Variants in PHF20 observed in about 807,000 individuals in gnomAD.
PHF20 encodes the protein PHD finger protein 20.
Under a neutral mutation model 113.5 loss-of-function variants are expected in PHF20, and 23 were observed. The ratio of observed to expected loss-of-function variants is 0.20; its 90% CI spans 0.15 to 0.29. PHF20 has a LOEUF of 0.29. PHF20 is among the 10% of genes least tolerant of loss of function. The pLI is 1.00. For synonymous variants in PHF20, 434 were observed against 457.3 expected (o/e 0.95, Z 0.65); for missense variants, 943 against 1,219.6 (o/e 0.77, Z 3.38).
intron 1 of PHF20, among the ~76,000 whole-genome samples, chr20:35,778,523 A>C (rs1013421401): frequency 2.0e-5 from 3 of 151,960 alleles, no homozygotes; most frequent in Non-Finnish European, 4.4e-5. Flanking sequence ...GCCAAGTCGG[A>C]TGGATCACCT....
At chr20:35,927,711 G>A (rs928555943) in intron 13 of PHF20, 69 bp from the exon 14 acceptor site, 7 of 1,180,828 alleles carry the variant, frequency 5.9e-6, no homozygotes, top group Middle Eastern at 1.9e-4. Context: ...CCCCTCAGCA[G>A]GTGGGTCTTA....
chr20:35,931,268 G>A lies in PHF20; in HGVS notation c.2124G>A (p.Lys708=). 6.2e-7 allele frequency: 1 copy of A among 1,612,430 alleles called. No individual in the cohort carries two copies. The highest frequency in any genetic ancestry group is 8.5e-7 in the Non-Finnish European group (1 of 1,178,684). Residue 708 remains lysine, a synonymous_variant, in exon 15 of 18, where the codon AAG becomes AAA. Coordinates refer to ENST00000374012, the MANE Select transcript of PHF20 (RefSeq NM_016436.5). The part of the protein sequence containing the change: ...QDPPGQRPGF[K]YWYDKEWLSR... The stretch of plus-strand genomic sequence containing the variant: ...CTGTAGGTCAGAGGCCTGGCTTCAA[G>A]TACTGGTATGACAAGGAGTGGCTGA...
At chr20:35,825,300 G>C (rs1180679280) in intron 2 of PHF20, among the ~76,000 whole-genome samples, 1 of 152,096 alleles carries the variant, frequency 6.6e-6, no homozygotes, top group Non-Finnish European at 1.5e-5. Flanking sequence ...TGGGACTGCA[G>C]GTGCATACCA....
chr20:35,899,848 T>C (rs2055061967), intron 10 of PHF20, among the ~76,000 whole-genome samples, 200 bp downstream of exon 10: 1 of 152,184 alleles, frequency 6.6e-6, no homozygotes, highest in South Asian at 2.1e-4. Flanking sequence ...TAACTGAGAA[T>C]TACCTTGAAA....
intron 1 of PHF20, among the ~76,000 whole-genome samples, chr20:35,785,780 AG>A (rs2041396093): frequency 6.6e-6 from 1 of 151,882 alleles, no homozygotes. Context: ...CTGTAAGAAT[AG>A]GCCGGGTGTG....
intron 2 of PHF20, among the ~76,000 whole-genome samples, chr20:35,826,224 A>G (rs988488987): frequency 1.3e-5 from 2 of 152,106 alleles, no homozygotes; most frequent in Admixed American, 6.6e-5. Context: ...TTGTATTTTC[A>G]GTACAGATGG....
At chr20:35,801,684 T>C (rs1007652214) in intron 2 of PHF20, 79 bp downstream of exon 2, 75 of 859,798 alleles carry the variant, frequency 8.7e-5, no homozygotes, top group Non-Finnish European at 8.5e-5. Flanking sequence ...TAGCTTAGGC[T>C]TTTTTTGTGG....
chr20:35,926,985 G>A (rs1485009513), intron 13 of PHF20, among the ~76,000 whole-genome samples: 1 of 152,022 alleles, frequency 6.6e-6, no homozygotes, highest in Non-Finnish European at 1.5e-5. Context: ...CCCTCCTCTG[G>A]ACCCTTAGCT....
chr20:35,787,365 G>A (rs1167295234), intron 1 of PHF20, among the ~76,000 whole-genome samples: 1 of 151,268 alleles, frequency 6.6e-6, no homozygotes, highest in African/African-American at 2.4e-5. Flanking sequence ...TTTTAGTCTA[G>A]ACGAGGTTTC....
At chr20:35,824,245 CT>C (rs527498265) in intron 2 of PHF20, among the ~76,000 whole-genome samples, 3 of 151,628 alleles carry the variant, frequency 2.0e-5, no homozygotes, top group Non-Finnish European at 4.4e-5. Flanking sequence ...TGGTGGGATT[CT>C]TTTTTTTCTC....
Position 35,929,202 on chromosome 20 carries a change from C to T in PHF20, c.2104+1323C>T, listed in dbSNP as rs527430357. On this transcript the variant is annotated intron_variant, in intron 14 of 17. Coordinates refer to ENST00000374012, the MANE Select transcript of PHF20 (RefSeq NM_016436.5). Reference sequence around the variant, plus strand: ...CCTTGAGGATACAGTTGACTTTCCTCATAAAGCAAATTGGAATTAGAACTG... The same window carrying T: ...CCTTGAGGATACAGTTGACTTTCCTTATAAAGCAAATTGGAATTAGAACTG... Among the ~76,000 whole-genome samples the T allele has an allele frequency of 2.0e-5, 3 of 152,322 alleles. No individual in the cohort carries two copies. The South Asian group carries it at 6.2e-4, about 32-fold the overall frequency.
intron 2 of PHF20, among the ~76,000 whole-genome samples, chr20:35,812,610 AT>A (rs1395357273): frequency 6.6e-6 from 1 of 151,794 alleles, no homozygotes; most frequent in African/African-American, 2.4e-5. Context: ...CAGATTAAAC[AT>A]TTTTTTTGCA....
intron 2 of PHF20, among the ~76,000 whole-genome samples, chr20:35,839,780 G>T (rs897287412): frequency 3.9e-5 from 6 of 152,192 alleles, no homozygotes; most frequent in Admixed American, 2.6e-4. Flanking sequence ...TACCCTTCCA[G>T]TCCTCTGTGA....
chr20:35,870,198 G>T (rs751803111), intron 7 of PHF20, among the ~76,000 whole-genome samples: 34 of 151,792 alleles, frequency 2.2e-4, no homozygotes, highest in Admixed American at 2.6e-4. Context: ...CAGCTATTCA[G>T]GAGGCTGAGG....
chr20:35,841,481 G>A (rs573651941), intron 2 of PHF20, among the ~76,000 whole-genome samples: 3 of 151,932 alleles, frequency 2.0e-5, no homozygotes, highest in Middle Eastern at 3.4e-3. Flanking sequence ...TAATAACCGC[G>A]TAGTATAAGG....
At chr20:35,776,674 A>G (rs1175223158) in intron 1 of PHF20, among the ~76,000 whole-genome samples, 1 of 152,136 alleles carries the variant, frequency 6.6e-6, no homozygotes. Flanking sequence ...CTGAATGACT[A>G]GACTATTTTG....
At chr20:35,805,636 C>T (rs939678961) in intron 2 of PHF20, among the ~76,000 whole-genome samples, 7 of 151,174 alleles carry the variant, frequency 4.6e-5, no homozygotes, top group East Asian at 2.0e-4. Context: ...CCCAGCCACA[C>T]GCCTGATTAA....
intron 9 of PHF20, among the ~76,000 whole-genome samples, chr20:35,897,208 A>AT (rs1259905928): frequency 8.6e-5 from 13 of 151,744 alleles, no homozygotes; most frequent in African/African-American, 3.1e-4. Context: ...TAATTAACAA[A>AT]ATTTTTTTTT....
rs1044556687 is a variant in PHF20 at position 35,850,904 on chromosome 20, C to T, written c.340+3470C>T. On this transcript the variant is annotated intron_variant, in intron 4 of 17. Transcript: ENST00000374012. Reference sequence around the variant, plus strand: ...GGAGATGACTGAGTTTGTTTTTGACCAAGGGAAACATCGTGAAGGTGAAGA... The same window carrying T: ...GGAGATGACTGAGTTTGTTTTTGACTAAGGGAAACATCGTGAAGGTGAAGA... 65 of 724,658 alleles carry T rather than the reference C, an allele frequency of 9.0e-5. 1 individual carries two copies. Among genetic ancestry groups the T allele is most frequent in the Non-Finnish European group, 1.3e-4 (57 of 422,562 alleles). 44.9% of individuals were successfully genotyped at this position (724,658 alleles called of 1,614,324 possible).
Sources: allele counts gnomAD v4.1 joint callset (sites outside exome capture counted in the v4.1 genomes callset), GRCh38; gene constraint gnomAD v4.1.1; transcripts MANE v1.5; gene names NCBI Gene and HGNC (gene_info 2026-07-23, HGNC 2026-07-21).